Variants in UBR4 observed in about 807,000 individuals in gnomAD.
The protein encoded by UBR4 is E3 ubiquitin-protein ligase UBR4.
A neutral mutation model predicts 575.6 loss-of-function variants in UBR4; 124 were observed. That is an observed-to-expected ratio of 0.22 (90% confidence interval 0.19 to 0.25). The LOEUF (loss-of-function observed/expected upper bound fraction) is 0.25. UBR4 is among the 10% of genes least tolerant of loss of function. The pLI, the probability that UBR4 is intolerant of heterozygous loss-of-function variation, is 1.00. For synonymous variants in UBR4, 2,455 were observed against 2,473.7 expected, an observed-to-expected ratio of 0.99 and a Z score of 0.22; for missense variants, 4,818 against 6,478.8, an observed-to-expected ratio of 0.74 and a Z score of 8.80.
intron 15 of UBR4, 57 bp from the exon 16 acceptor site, chr1:19,184,232 TA>T (rs1242632998): frequency 4.5e-6 from 7 of 1,548,624 alleles, no homozygotes; most frequent in Non-Finnish European, 5.2e-6. Context: ...AGCGTTCCTA[TA>T]AACTCTGATT....
intron 27 of UBR4, among the ~76,000 whole-genome samples, chr1:19,168,549 G>C (rs191876698): frequency 6.6e-6 from 1 of 152,300 alleles, no homozygotes; most frequent in African/African-American, 2.4e-5. Context: ...GGTGTAAACA[G>C]AGGTCACGAT....
At chr1:19,154,072 C>T in intron 44 of UBR4, 133 bp from the exon 45 acceptor site, 2 of 1,006,024 alleles carry the variant, frequency 2.0e-6, no homozygotes, top group Non-Finnish European at 2.9e-6. Flanking sequence ...TCAGATTATC[C>T]ACAGGTTAGT....
chr1:19,077,387 C>T (rs1245804458), intron 104 of UBR4, among the ~76,000 whole-genome samples: 3 of 152,196 alleles, frequency 2.0e-5, no homozygotes, highest in Non-Finnish European at 4.4e-5. Flanking sequence ...GAAGGTCTTC[C>T]TGCACAGCCG....
intron 8 of UBR4, among the ~76,000 whole-genome samples, chr1:19,195,558 A>C (rs1320351552): frequency 2.0e-5 from 3 of 152,204 alleles, no homozygotes; most frequent in Non-Finnish European, 4.4e-5. Flanking sequence ...GGAAATCAAA[A>C]TAAATAAACC....
chr1:19,086,138 C>A lies in UBR4; in HGVS notation c.14813+7G>T, dbSNP rs373464218. On this transcript the variant is annotated splice_region_variant and intron_variant, in intron 101 of 105. Coordinates refer to ENST00000375254, the MANE Select transcript of UBR4 (RefSeq NM_020765.3). Reference sequence around the variant, plus strand: ...CCATTCCACCATGAAAAATACTCAACACTCACCTTGCCAAGCAAGTGGCAA... The same window carrying A: ...CCATTCCACCATGAAAAATACTCAAAACTCACCTTGCCAAGCAAGTGGCAA... The A allele has an allele frequency of 4.5e-5, 72 of 1,613,716 alleles. 1 individual carries two copies. The Middle Eastern group carries it at 9.9e-4, about 22-fold the overall frequency.
rs1055571190 is a variant in UBR4, at chr1:19,093,190, G to C, written c.14111+123C>G. 3.0e-5 allele frequency: 39 copies of C among 1,286,710 alleles called. No homozygotes were observed. In the African/African-American group the frequency reaches 5.2e-4, roughly 17 times the overall value. 79.7% of individuals were successfully genotyped at this position (1,286,710 alleles called of 1,614,324 possible). Reference sequence around the variant, plus strand: ...GGTCACCCACATAGTTTCCAGAAGCGGTTGGGAGGCCCCAAGGAGGGCAAG... The same window carrying C: ...GGTCACCCACATAGTTTCCAGAAGCCGTTGGGAGGCCCCAAGGAGGGCAAG... On this transcript the variant is annotated intron_variant, in intron 96 of 105. Coordinates refer to ENST00000375254, the MANE Select transcript of UBR4 (RefSeq NM_020765.3). The surrounding 1 kb of genome is among the most constrained non-coding windows in gnomAD (Gnocchi z 4.8).
rs969580564 is a variant in UBR4, at chr1:19,157,306, T to G, written c.5761-381A>C. On this transcript the variant is annotated intron_variant, in intron 40 of 105. Coordinates refer to ENST00000375254, the MANE Select transcript of UBR4 (RefSeq NM_020765.3). This position sits in a 1 kb window ranked among gnomAD's most constrained non-coding sequence, Gnocchi z 4.4. ...AAAGTTAAAACAACATTAGTGGTGATGGAGAGGCCAGAATACAGAAAAGTG... is the reference window on the plus strand; with the variant it reads ...AAAGTTAAAACAACATTAGTGGTGAGGGAGAGGCCAGAATACAGAAAAGTG... Among the ~76,000 whole-genome samples, 8 of 152,242 alleles carry G rather than the reference T, an allele frequency of 5.3e-5. No individual in the cohort carries two copies. Among genetic ancestry groups the G allele is most frequent in the Admixed American group, 3.3e-4 (5 of 15,286 alleles).
chr1:19,122,093 T>C, intron 66 of UBR4, 81 bp from the exon 67 acceptor site: 1 of 1,426,778 alleles, frequency 7.0e-7, no homozygotes, highest in East Asian at 2.3e-5. Flanking sequence ...CCTGGAGCCA[T>C]CTCCCTGACT....
At chr1:19,209,229 G>A (rs2093176849) in intron 1 of UBR4, among the ~76,000 whole-genome samples, 1 of 152,170 alleles carries the variant, frequency 6.6e-6, no homozygotes, top group Admixed American at 6.5e-5. Flanking sequence ...ATGAGGTATG[G>A]CTAGAAAAAT....
chr1:19,146,873 T>C lies in UBR4; in HGVS notation c.7757A>G (p.Asn2586Ser). 2 of 1,614,138 alleles carry C rather than the reference T, an allele frequency of 1.2e-6. No individual in the cohort carries two copies. Among genetic ancestry groups the C allele is most frequent in the South Asian group, 1.1e-5 (1 of 91,074 alleles). Residue 2586 changes from asparagine (N) to serine (S), a missense_variant, in exon 52 of 106, where the codon AAC becomes AGC. By Grantham distance (46) the Asn-to-Ser change is conservative. Transcript: ENST00000375254. ...TARSIAIMRP[N>S]NLVHFTESKL... ...TGACTCCGTAAAGTGGACAAGGTTG[T>C]TGGGGCGCATGATGGCAATGGAGCG...
Position 19,166,991 on chromosome 1 carries a change from AGGAAACCTG to A in UBR4, c.4109+22_4109+30del, listed in dbSNP as rs1407563982. On this transcript the variant is annotated intron_variant, in intron 29 of 105. Coordinates refer to ENST00000375254, the MANE Select transcript of UBR4 (RefSeq NM_020765.3). ...TTCACTGATAGCAGCAGTAGGTCAT[AGGAAACCTG>A]ACTGTTCTCCATCAGGCTCACCTGT... 5 of 1,612,370 alleles carry A rather than the reference AGGAAACCTG, an allele frequency of 3.1e-6. No homozygotes were observed. The East Asian group carries it at 1.1e-4, about 36-fold the overall frequency.
chr1:19,153,283 T>C lies in UBR4; in HGVS notation c.6832+18A>G, dbSNP rs1295210296. On this transcript the variant is annotated intron_variant, in intron 46 of 105. Coordinates refer to ENST00000375254, the MANE Select transcript of UBR4 (RefSeq NM_020765.3). The surrounding 1 kb of genome is among the most constrained non-coding windows in gnomAD (Gnocchi z 4.1). ...ACCATTCCTACTCCCCCACAAGTCATCTGAGAAGGAGCCTTACTGATTGTA... is the reference window on the plus strand; with the variant it reads ...ACCATTCCTACTCCCCCACAAGTCACCTGAGAAGGAGCCTTACTGATTGTA... The C allele has an allele frequency of 1.2e-6, 2 of 1,613,658 alleles. No individual in the cohort carries two copies. Among genetic ancestry groups the C allele is most frequent in the Non-Finnish European group, 1.7e-6 (2 of 1,179,632 alleles).
chr1:19,125,435 A>C (rs2081617351), intron 64 of UBR4, among the ~76,000 whole-genome samples: 1 of 152,246 alleles, frequency 6.6e-6, no homozygotes, highest in Admixed American at 6.5e-5. Context: ...TCTCTTGAGC[A>C]GACTTGATGG....
intron 1 of UBR4, among the ~76,000 whole-genome samples, chr1:19,204,531 A>ATATAT (rs1553240220): frequency 9.7e-5 from 14 of 143,958 alleles, no homozygotes; most frequent in South Asian, 9.3e-4. Context: ...AATATATAAA[A>ATATAT]AAAAATATAT....
intron 30 of UBR4, 43 bp from the exon 31 acceptor site, chr1:19,165,392 A>G (rs1486985804): frequency 6.6e-7 from 1 of 1,509,096 alleles, no homozygotes; most frequent in Admixed American, 1.8e-5. Flanking sequence ...ATCACATTAA[A>G]GCCCCACATA....
intron 27 of UBR4, among the ~76,000 whole-genome samples, chr1:19,168,977 C>CAAAAA (rs35946919): frequency 8.5e-6 from 1 of 117,210 alleles, no homozygotes; most frequent in Non-Finnish European, 1.8e-5. Context: ...GACTCCGTCT[C>CAAAAA]AAAAAAAAAA....
chr1:19,174,224 T>A (rs931316415), intron 22 of UBR4, 95 bp downstream of exon 22: 27 of 1,487,712 alleles, frequency 1.8e-5, no homozygotes, highest in Non-Finnish European at 2.4e-5. Flanking sequence ...AAATCAATAT[T>A]CAATAAACTG....
At chr1:19,168,839 G>A (rs913444027) in intron 27 of UBR4, among the ~76,000 whole-genome samples, 6 of 152,054 alleles carry the variant, frequency 3.9e-5, no homozygotes, top group East Asian at 3.9e-4. Flanking sequence ...TTAGCTGGGC[G>A]TGGTGGTGGG....
At position 19,096,582 on chromosome 1, in the gene UBR4, A is replaced by C; in HGVS notation, c.13459T>G (p.Cys4487Gly). The C allele has an allele frequency of 6.2e-7, 1 of 1,613,872 alleles. No individual in the cohort carries two copies. The highest frequency in any genetic ancestry group is 8.5e-7 in the Non-Finnish European group (1 of 1,179,924). The change falls in exon 92 of 106, where the codon TGC (cysteine) becomes GGC (glycine). Residue 4487 changes from cysteine to glycine, a missense_variant. Cys to Gly is a radical substitution (Grantham distance 159). Around this residue, in one of 29 missense-constraint regions of UBR4, gnomAD observed 165 missense variants for 282.3 expected, o/e 0.58. Coordinates refer to ENST00000375254, the MANE Select transcript of UBR4 (RefSeq NM_020765.3). ...GVMAQCGGLE[C>G]MLNRLAGIRD... ...ATCCCTGCGAGTCTGTTAAGCATGC[A>C]TTCCAGGCCCCCACACTGGGCCATC...
Sources: allele counts gnomAD v4.1 joint callset (sites outside exome capture counted in the v4.1 genomes callset), GRCh38; gene constraint gnomAD v4.1.1; regional missense constraint gnomAD v4.1.1; non-coding constraint Gnocchi (gnomAD v3.1); transcripts MANE v1.5; gene names NCBI Gene and HGNC (gene_info 2026-07-23, HGNC 2026-07-21).